Variants in TMTC3 observed in about 807,000 individuals in gnomAD.
The protein encoded by TMTC3 is protein O-mannosyl-transferase TMTC3.
Under a neutral mutation model 92.2 loss-of-function variants are expected in TMTC3, and 52 were observed. The ratio of observed to expected loss-of-function variants is 0.56; its 90% CI spans 0.45 to 0.71. The LOEUF is 0.71. TMTC3 is among the 30% of genes least tolerant of loss of function. TMTC3 has a pLI of 0.00. For missense variants in TMTC3, 896 were observed against 1,057.1 expected (o/e 0.85, Z 2.11); for synonymous variants, 339 against 363.3 (o/e 0.93, Z 0.76).
intron 10 of TMTC3, among the ~76,000 whole-genome samples, chr12:88,185,198 CA>C (rs1327023205): frequency 6.6e-6 from 1 of 152,192 alleles, no homozygotes; most frequent in East Asian, 1.9e-4. Context: ...ATCAACCCCT[CA>C]AATTCCTTGG....
At chr12:88,163,673 A>G (rs2041106884) in intron 6 of TMTC3, among the ~76,000 whole-genome samples, 1 of 49,278 alleles carries the variant, frequency 2.0e-5, no homozygotes, top group African/African-American at 2.8e-5. Flanking sequence ...TTGTCTTCAC[A>G]TTGCCTTCTT....
At chr12:88,190,412 C>G in intron 11 of TMTC3, 41 bp from the exon 12 acceptor site, 1 of 1,573,496 alleles carries the variant, frequency 6.4e-7, no homozygotes, top group Non-Finnish European at 8.7e-7. Context: ...ATTTTTGATA[C>G]TGAAATATCA....
At chr12:88,179,738 G>T (rs773158932) in intron 10 of TMTC3, among the ~76,000 whole-genome samples, 8 of 151,874 alleles carry the variant, frequency 5.3e-5, no homozygotes, top group Non-Finnish European at 1.2e-4. Context: ...GGCCCCGGTC[G>T]CATTTATTTA....
chr12:88,192,519 G>A, intron 12 of TMTC3, 85 bp from the exon 13 acceptor site: 2 of 941,456 alleles, frequency 2.1e-6, no homozygotes, highest in South Asian at 3.2e-5. Flanking sequence ...GCTGTATGTG[G>A]AAAGGCTTAA....
intron 12 of TMTC3, among the ~76,000 whole-genome samples, chr12:88,191,700 A>T (rs2041444481): frequency 6.8e-6 from 1 of 146,244 alleles, no homozygotes; most frequent in Middle Eastern, 3.2e-3. Flanking sequence ...GCTTTTTTTT[A>T]GTCCTTTTTC....
At chr12:88,186,101 G>C (rs1474386041) in intron 10 of TMTC3, among the ~76,000 whole-genome samples, 1 of 152,064 alleles carries the variant, frequency 6.6e-6, no homozygotes, top group African/African-American at 2.4e-5. Flanking sequence ...ATACTTCACT[G>C]TTGGGCAGCT....
chr12:88,173,113 T>C, intron 8 of TMTC3: 5 of 1,230,264 alleles, frequency 4.1e-6, no homozygotes, highest in Non-Finnish European at 5.2e-6. Flanking sequence ...AGTTAATATA[T>C]ATAAAATGCA....
intron 4 of TMTC3, among the ~76,000 whole-genome samples, chr12:88,155,663 A>C (rs1262028777): frequency 6.6e-6 from 1 of 152,160 alleles, no homozygotes; most frequent in East Asian, 1.9e-4. Context: ...ATCAGGCCTC[A>C]GCTTAAGTAT....
At chr12:88,182,416 A>G (rs2041328200) in intron 10 of TMTC3, among the ~76,000 whole-genome samples, 1 of 152,216 alleles carries the variant, frequency 6.6e-6, no homozygotes, top group Admixed American at 6.5e-5. Flanking sequence ...CAGGTTATGT[A>G]ACTTATCAGT....
At position 88,198,986 on chromosome 12, in the gene TMTC3, A is replaced by G. The variant is rs2041549102; in HGVS notation, c.*3337A>G. The G allele has an allele frequency of 6.6e-6, 1 of 152,102 alleles. No homozygotes were observed. The highest frequency in any genetic ancestry group is 2.4e-5 in the African/African-American group (1 of 41,462). The allele number at this position is 152,102 out of a possible 1,614,324, so 9.4% of individuals were successfully genotyped here. ...TATATTACTATGGTATCTGTGTACC[A>G]TATTTCTAAGTATTCATTATTAAAT... is the stretch of plus-strand genomic sequence containing the variant. On this transcript the variant is annotated 3_prime_UTR_variant, in exon 14 of 14. Coordinates refer to ENST00000266712, the MANE Select transcript of TMTC3 (RefSeq NM_181783.4).
chr12:88,157,190 A>T (rs1025035632), intron 4 of TMTC3, among the ~76,000 whole-genome samples: 1 of 151,918 alleles, frequency 6.6e-6, no homozygotes, highest in Non-Finnish European at 1.5e-5. Context: ...ATGTATTTTA[A>T]ATTCTAATTG....
At chr12:88,143,640 A>G (rs898642670) in intron 1 of TMTC3, among the ~76,000 whole-genome samples, 2 of 152,214 alleles carry the variant, frequency 1.3e-5, no homozygotes, top group South Asian at 4.1e-4. Flanking sequence ...GTTATATTTT[A>G]ATTTTGTAAG....
intron 1 of TMTC3, among the ~76,000 whole-genome samples, chr12:88,144,251 C>T (rs1365140849): frequency 6.6e-6 from 1 of 152,110 alleles, no homozygotes; most frequent in African/African-American, 2.4e-5. Flanking sequence ...TTTACCCAGC[C>T]CCTATTCAAG....
chr12:88,191,658 G>A (rs898723745), intron 12 of TMTC3, among the ~76,000 whole-genome samples: 2 of 152,036 alleles, frequency 1.3e-5, no homozygotes, highest in Admixed American at 1.3e-4. Context: ...TTATCTACAG[G>A]TCAGATTAAT....
At chr12:88,175,595 A>AT (rs985369930) in intron 9 of TMTC3, among the ~76,000 whole-genome samples, 1 of 152,190 alleles carries the variant, frequency 6.6e-6, no homozygotes, top group Admixed American at 6.5e-5. Flanking sequence ...TACCATGCTT[A>AT]TTAATCCATA....
rs374120006 is a variant in TMTC3 at position 88,172,581 on chromosome 12, C to CTT, written c.1051-6_1051-5dup. The CTT allele has an allele frequency of 2.2e-4, 220 of 1,021,958 alleles. No homozygotes were observed. Among genetic ancestry groups the CTT allele is most frequent in the South Asian group, 2.4e-4 (8 of 32,758 alleles). The allele number at this position is 1,021,958 out of a possible 1,614,324, so 63.3% of individuals were successfully genotyped here. ...AATTTATTATAAATTATTAAATCTT[C>CTT]TTTTTTTTTTTGTAGGCGCTTTGTT... is the stretch of plus-strand genomic sequence containing the variant. On this transcript the variant is annotated splice_polypyrimidine_tract_variant and intron_variant, in intron 7 of 13. Coordinates refer to ENST00000266712, the MANE Select transcript of TMTC3 (RefSeq NM_181783.4).
chr12:88,161,728 T>C (rs1416660095), intron 6 of TMTC3, among the ~76,000 whole-genome samples: 1 of 151,652 alleles, frequency 6.6e-6, no homozygotes, highest in Non-Finnish European at 1.5e-5. Context: ...GTTTTAGTGT[T>C]GCTTTAGGGA....
chr12:88,191,651 T>C (rs1488566237), intron 12 of TMTC3, among the ~76,000 whole-genome samples: 3 of 152,186 alleles, frequency 2.0e-5, no homozygotes, highest in African/African-American at 4.8e-5. Context: ...CTCAAAGTTA[T>C]CTACAGGTCA....
At position 88,197,232 on chromosome 12, in the gene TMTC3, A is replaced by T. The variant is rs1311431920; in HGVS notation, c.*1583A>T. The T allele has an allele frequency of 1.3e-5, 2 of 148,450 alleles. No individual in the cohort carries two copies. The highest frequency in any genetic ancestry group is 5.0e-5 in the African/African-American group (2 of 40,016). 9.2% of individuals were successfully genotyped at this position (148,450 alleles called of 1,614,324 possible). A position where few individuals can be genotyped will look rare whatever the true frequency, so the allele number is the denominator to read the frequency against. ...GGTCTGCATTAGAAGACCCACTCTT[A>T]CTAGGTTCCCTAAGGATCTGCCATA... On this transcript the variant is annotated 3_prime_UTR_variant, in exon 14 of 14. Coordinates refer to ENST00000266712, the MANE Select transcript of TMTC3 (RefSeq NM_181783.4).
Sources: gnomAD v4.1 joint callset for allele counts (sites outside exome capture counted in the v4.1 genomes callset) on GRCh38, gnomAD v4.1.1 for gene constraint, MANE v1.5 for transcripts, NCBI Gene and HGNC (gene_info 2026-07-23, HGNC 2026-07-21) for gene names.